The following USP9X variants were observed in gnomAD, a reference collection of about 807,000 sequenced individuals.
USP9X encodes ubiquitin specific peptidase 9 X-linked.
USP9X carries 7 observed loss-of-function variants against 190.3 expected under a neutral mutation model. The observed-to-expected ratio is 0.04, with a 90% CI of 0.02 to 0.07. The LOEUF (loss-of-function observed/expected upper bound fraction) is 0.07. Ranked by LOEUF, USP9X falls within the 10% of genes least tolerant of loss-of-function variation. USP9X has a pLI of 1.00. For synonymous variants in USP9X, 645 were observed against 659.5 expected (o/e 0.98, Z 0.34); for missense variants, 1,010 against 1,916.9 (o/e 0.53, Z 8.83).
chrX:41,117,570 T>TC (rs1210398675), intron 1 of USP9X, among the ~76,000 whole-genome samples: 59 of 104,715 alleles, frequency 5.6e-4, no homozygotes, highest in African/African-American at 2.0e-3. Flanking sequence ...ACCTTTTTTT[T>TC]TTCTTCTTCT....
chrX:41,127,929 A>AT (rs1358569005), intron 2 of USP9X, among the ~76,000 whole-genome samples: 1 of 112,405 alleles, frequency 8.9e-6, no homozygotes, highest in Non-Finnish European at 1.9e-5. Context: ...GGTTAGTTTC[A>AT]TTTTGAAAGA....
chrX:41,120,598 C>T (rs1042814163), intron 1 of USP9X, among the ~76,000 whole-genome samples: 2 of 109,516 alleles, frequency 1.8e-5, no homozygotes, highest in Admixed American at 1.9e-4. Context: ...CCCAGGTTCA[C>T]GCCATTCTCC....
chrX:41,135,554 A>T (rs2062364631), intron 5 of USP9X, among the ~76,000 whole-genome samples: 1 of 111,464 alleles, frequency 9.0e-6, no homozygotes, highest in Non-Finnish European at 1.9e-5. Flanking sequence ...GATTCCAGAG[A>T]TCTTAAAAAG....
At chrX:41,212,868 A>T (rs1217279009) in intron 33 of USP9X, among the ~76,000 whole-genome samples, 4 of 111,856 alleles carry the variant, frequency 3.6e-5, no homozygotes, top group Non-Finnish European at 7.5e-5. Flanking sequence ...ATAATTAGGG[A>T]ATATACTTAT....
intron 11 of USP9X, among the ~76,000 whole-genome samples, chrX:41,147,826 T>C (rs2062484082): frequency 1.8e-5 from 2 of 112,207 alleles, no homozygotes; most frequent in South Asian, 7.3e-4. Flanking sequence ...GATCAGCAAC[T>C]TAGTGCATTT....
chrX:41,155,838 TACC>T (rs1039302094), intron 14 of USP9X, among the ~76,000 whole-genome samples: 5 of 112,160 alleles, frequency 4.5e-5, no homozygotes, highest in African/African-American at 1.6e-4. Flanking sequence ...ACAGGGAAAG[TACC>T]ACATGATCCT....
chrX:41,130,569 A>G (rs1263309645), intron 3 of USP9X, among the ~76,000 whole-genome samples: 1 of 104,967 alleles, frequency 9.5e-6, no homozygotes, highest in East Asian at 3.0e-4. Flanking sequence ...GCTCACTGCA[A>G]CCTTCGCCTC....
chrX:41,189,316 C>T lies in USP9X; in HGVS notation c.3818C>T (p.Ala1273Val). 8.3e-7 allele frequency: 1 copy of T among 1,207,160 alleles called. No individual in the cohort carries two copies. The highest frequency in any genetic ancestry group is 1.1e-6 in the Non-Finnish European group (1 of 893,334). ...EITKIYEKTN[A>V]GNEPDLEDEQ... ...TTGATTGTAATTTTACAGACCAATG[C>T]AGGCAATGAGCCAGACTTGGAAGAC... The change falls in exon 26 of 45, where the codon GCA (alanine) becomes GTA (valine). Residue 1273 changes from alanine (A) to valine (V), a missense_variant. Coordinates refer to ENST00000378308, the MANE Select transcript of USP9X (RefSeq NM_001039591.3).
In USP9X at chrX:41,214,836, G is replaced by A. The variant is rs2063197965; in HGVS notation, c.5331+127G>A. ...CTCCTACTTTGGTATAGTGGTAGCA[G>A]AGAAGTAGTCAATATGATAACTAAT... On this transcript the variant is annotated intron_variant, in intron 34 of 44. Transcript: ENST00000378308. 3 of 701,787 alleles carry A rather than the reference G, an allele frequency of 4.3e-6. No homozygotes were observed. The African/African-American group carries it at 6.9e-5, about 16-fold the overall frequency. The allele number at this position is 701,787 out of a possible 1,213,427, so 57.8% of individuals were successfully genotyped here.
At chrX:41,100,763 C>T (rs2062028196) in intron 1 of USP9X, among the ~76,000 whole-genome samples, 1 of 111,196 alleles carries the variant, frequency 9.0e-6, no homozygotes, top group Admixed American at 9.6e-5. Context: ...TCTCCTACCT[C>T]AGCCTCCTCA....
intron 1 of USP9X, among the ~76,000 whole-genome samples, chrX:41,107,354 C>T (rs2062078341): frequency 8.9e-6 from 1 of 112,466 alleles, no homozygotes; most frequent in Non-Finnish European, 1.9e-5. Flanking sequence ...TGAAGAATGC[C>T]ATCCCACTGC....
chrX:41,201,071 C>A lies in USP9X; in HGVS notation c.4615C>A (p.Leu1539Ile), dbSNP rs774557332. 55 of 1,209,456 alleles carry A rather than the reference C, an allele frequency of 4.5e-5. No homozygotes were observed. The highest frequency in any genetic ancestry group is 6.0e-5 in the Non-Finnish European group (54 of 895,079). Residue 1539 changes from leucine (L) to isoleucine (I), a missense_variant, in exon 31 of 45, where the codon CTT becomes ATT. By Grantham distance (5) the Leu-to-Ile change is conservative. Around this residue, in one of 11 missense-constraint regions of USP9X, gnomAD observed 120 missense variants for 342.7 expected, o/e 0.35. Transcript: ENST00000378308. ...IGTAITTCEA[L>I]TEWEYLPPVG... ...TTTCCTTCTCTCAGCTTGTGAAGCACTTACTGAGTGGGAATATCTGCCACC... is the reference window on the plus strand; with the variant it reads ...TTTCCTTCTCTCAGCTTGTGAAGCAATTACTGAGTGGGAATATCTGCCACC...
intron 18 of USP9X, 149 bp from the exon 19 acceptor site, chrX:41,169,846 G>A: frequency 1.3e-6 from 1 of 754,676 alleles, no homozygotes; most frequent in Admixed American, 3.2e-5. Flanking sequence ...TCATATAAGG[G>A]ATTCTCAAGC....
intron 31 of USP9X, among the ~76,000 whole-genome samples, chrX:41,201,970 C>CA (rs768219733): frequency 9.7e-4 from 93 of 95,971 alleles, no homozygotes; most frequent in East Asian, 1.6e-3. Context: ...GACTCCGTCT[C>CA]AAAAAAAAAA....
Position 41,189,624 on chromosome X carries a change from G to A in USP9X, c.3977+149G>A, listed in dbSNP as rs774266979. On this transcript the variant is annotated intron_variant, in intron 26 of 44. Transcript: ENST00000378308. ...AAATTTTATTATTTAAGAGTGTTTT[G>A]CTTAACCTAAATGTTTGGTTTTAGT... is the stretch of plus-strand genomic sequence containing the variant. The A allele has an allele frequency of 9.4e-5, 45 of 477,750 alleles. No homozygotes were observed. In the East Asian group the frequency reaches 1.4e-3, roughly 15 times the overall value. 39.4% of individuals were successfully genotyped at this position (477,750 alleles called of 1,213,427 possible).
At position 41,129,142 on chromosome X, in the gene USP9X, A is replaced by G. The variant is rs1447533810; in HGVS notation, c.239A>G (p.Asn80Ser). The stretch of plus-strand genomic sequence containing the variant: ...TTGGCCAAGTTGGATGACATGATCA[A>G]CAGGTGAGTTGGTGTGTAACACCCA... Reference protein sequence around the residue: ...TDLAKLDDMINRPRWVVPVLP... With the variant: ...TDLAKLDDMISRPRWVVPVLP... The change falls in exon 3 of 45, where the codon AAC becomes AGC. Residue 80 changes from asparagine (N) to serine (S), a missense_variant. Around this residue, in one of 11 missense-constraint regions of USP9X, gnomAD observed 176 missense variants for 247.5 expected, o/e 0.71. Coordinates refer to ENST00000378308, the MANE Select transcript of USP9X (RefSeq NM_001039591.3). 2 of 1,208,028 alleles carry G rather than the reference A, an allele frequency of 1.7e-6. No individual in the cohort carries two copies. The highest frequency in any genetic ancestry group is 2.2e-5 in the Admixed American group (1 of 44,937).
At chrX:41,138,038 A>C (rs748877174) in intron 6 of USP9X, among the ~76,000 whole-genome samples, 1 of 111,278 alleles carries the variant, frequency 9.0e-6, no homozygotes, top group Admixed American at 9.6e-5. Flanking sequence ...AAACTTATAA[A>C]GTGTAGCGAT....
In USP9X at chrX:41,188,013, A is replaced by G. The variant is rs1392385043; in HGVS notation, c.3706A>G (p.Ile1236Val). 8.3e-7 allele frequency: 1 copy of G among 1,208,214 alleles called. No homozygotes were observed. Among genetic ancestry groups the G allele is most frequent in the Admixed American group, 2.2e-5 (1 of 45,908 alleles). Residue 1236 changes from isoleucine to valine, a missense_variant, in exon 25 of 45, where the codon ATT (isoleucine) becomes GTT (valine). Around this residue, in one of 11 missense-constraint regions of USP9X, gnomAD observed 351 missense variants for 480.8 expected, o/e 0.73. Coordinates refer to ENST00000378308, the MANE Select transcript of USP9X (RefSeq NM_001039591.3). ...SDEASRYMPD[I>V]CVIRAIQKII... is the part of the protein sequence containing the mutation. Reference sequence around the variant, plus strand: ...GCAGGCTTCAAGATATATGCCTGATATTTGTGTAATTAGAGCTATACAAAA... The same window carrying G: ...GCAGGCTTCAAGATATATGCCTGATGTTTGTGTAATTAGAGCTATACAAAA...
At chrX:41,168,308 G>A (rs948027914) in intron 18 of USP9X, 90 bp downstream of exon 18, 3 of 825,920 alleles carry the variant, frequency 3.6e-6, no homozygotes, top group Non-Finnish European at 4.8e-6. Context: ...AATTTTTCTC[G>A]TTTGAAAATT....
Sources: allele counts gnomAD v4.1 joint callset (sites outside exome capture counted in the v4.1 genomes callset), GRCh38; gene constraint gnomAD v4.1.1; regional missense constraint gnomAD v4.1.1; transcripts MANE v1.5; gene names NCBI Gene and HGNC (gene_info 2026-07-23, HGNC 2026-07-21).